SLCO1A2: variants seen among roughly 807,000 people sequenced by gnomAD.
SLCO1A2 encodes the protein OATP-1.
A neutral mutation model predicts 69.0 loss-of-function variants in SLCO1A2; 67 were observed. The ratio of observed to expected loss-of-function variants is 0.97; its 90% CI spans 0.80 to 1.19. The LOEUF is 1.19. Among genes scored for constraint, SLCO1A2 ranks in the 50% most tolerant of loss-of-function variants. The pLI is 0.00. For synonymous variants in SLCO1A2, 260 were observed against 265.9 expected, an observed-to-expected ratio of 0.98 and a Z score of 0.22; for missense variants, 787 against 793.7, an observed-to-expected ratio of 0.99 and a Z score of 0.10.
intron 1 of SLCO1A2, among the ~76,000 whole-genome samples, chr12:21,388,864 C>G (rs1941017635): frequency 6.6e-6 from 1 of 152,132 alleles, no homozygotes; most frequent in African/African-American, 2.4e-5. Flanking sequence ...ATAGCTGCAA[C>G]TGGTAAAATG....
chr12:21,393,684 A>C (rs1047924927), intron 1 of SLCO1A2, among the ~76,000 whole-genome samples: 15 of 152,218 alleles, frequency 9.9e-5, no homozygotes, highest in African/African-American at 3.6e-4. Context: ...AGATAAACAG[A>C]TACGGTTACT....
At chr12:21,295,098 T>A (rs1389682738) in intron 10 of SLCO1A2, 1 of 152,216 alleles carries the variant, frequency 6.6e-6, no homozygotes, top group Admixed American at 6.6e-5. Flanking sequence ...ATTCAATATT[T>A]TAGACATAGC....
chr12:21,283,342 G>T (rs376249070), intron 12 of SLCO1A2, among the ~76,000 whole-genome samples: 44 of 152,194 alleles, frequency 2.9e-4, no homozygotes, highest in East Asian at 1.9e-3. Flanking sequence ...TTCAATAAAT[G>T]GTGCAGGGAA....
intron 2 of SLCO1A2, among the ~76,000 whole-genome samples, chr12:21,323,069 T>A (rs1257561104): frequency 6.6e-6 from 1 of 152,174 alleles, no homozygotes; most frequent in East Asian, 1.9e-4. Context: ...CAGATAGGAA[T>A]GGACATGGAC....
Position 21,297,399 on chromosome 12 carries a change from C to T in SLCO1A2, c.1075+5G>A. 1 of 1,607,162 alleles carries T rather than the reference C, an allele frequency of 6.2e-7. No individual in the cohort carries two copies. On this transcript the variant is annotated splice_donor_5th_base_variant and intron_variant, in intron 9 of 14. Transcript: ENST00000683939. ...TGCTAGTAAGGCAGAGAAAAACAAA[C>T]ATACCCATTAGAAAGATTGCATCTG...
chr12:21,340,857 A>C (rs1953046517), intron 2 of SLCO1A2, among the ~76,000 whole-genome samples: 1 of 152,006 alleles, frequency 6.6e-6, no homozygotes, highest in Non-Finnish European at 1.5e-5. Context: ...AGGCAGCTAA[A>C]GGGCTAGCAC....
rs1942300173 is a variant in SLCO1A2 at position 21,268,493 on chromosome 12, A to G, written c.*1055T>C. On this transcript the variant is annotated 3_prime_UTR_variant, in exon 15 of 15. Coordinates refer to ENST00000683939, the MANE Select transcript of SLCO1A2 (RefSeq NM_001386879.1). Reference sequence around the variant, plus strand: ...TGTTCATTCTATTCTCTTTTACCAGAAGCCCTATATTAATCAATAAGTCCT... The same window carrying G: ...TGTTCATTCTATTCTCTTTTACCAGGAGCCCTATATTAATCAATAAGTCCT... 1 of 152,088 alleles carries G rather than the reference A, an allele frequency of 6.6e-6. No individual in the cohort carries two copies. The highest frequency in any genetic ancestry group is 2.1e-4 in the South Asian group (1 of 4,828). 9.4% of individuals were successfully genotyped at this position (152,088 alleles called of 1,614,324 possible).
chr12:21,298,097 T>G (rs553028717), intron 8 of SLCO1A2, among the ~76,000 whole-genome samples: 1 of 152,278 alleles, frequency 6.6e-6, no homozygotes, highest in East Asian at 1.9e-4. Flanking sequence ...CGGAATTTTT[T>G]TTTGCTTCTT....
chr12:21,338,675 G>A (rs561447223), upstream of SLCO1A2, among the ~76,000 whole-genome samples: 17 of 152,008 alleles, frequency 1.1e-4, no homozygotes, highest in African/African-American at 3.4e-4. Context: ...CATTTCTTCA[G>A]ATTATTATCC....
chr12:21,415,083 C>A (rs906127182), intron 1 of SLCO1A2, among the ~76,000 whole-genome samples: 1 of 151,972 alleles, frequency 6.6e-6, no homozygotes, highest in Non-Finnish European at 1.5e-5. Flanking sequence ...CAAACCGTAT[C>A]TTTTAACTGG....
intron 4 of SLCO1A2, among the ~76,000 whole-genome samples, chr12:21,314,032 AAG>A (rs1441734934): frequency 6.6e-6 from 1 of 151,912 alleles, no homozygotes; most frequent in Non-Finnish European, 1.5e-5. Context: ...AAATACAAGA[AAG>A]AGCTAAAAGT....
chr12:21,276,393 C>A (rs1405834392), intron 12 of SLCO1A2, among the ~76,000 whole-genome samples: 2 of 126,072 alleles, frequency 1.6e-5, no homozygotes, highest in Admixed American at 1.4e-4. Flanking sequence ...TATGGACACA[C>A]ACACACACAC....
chr12:21,347,435 C>A (rs1953290143), intron 2 of SLCO1A2, among the ~76,000 whole-genome samples: 1 of 152,220 alleles, frequency 6.6e-6, no homozygotes, highest in African/African-American at 2.4e-5. Context: ...CACCTGAGGT[C>A]AGGAGTTCAA....
At chr12:21,292,046 A>G in intron 12 of SLCO1A2, 118 bp downstream of exon 12, 1 of 623,450 alleles carries the variant, frequency 1.6e-6, no homozygotes. Context: ...AAAACCCTTA[A>G]TAAATGGTAC....
chr12:21,387,278 G>A (rs1396507923), intron 1 of SLCO1A2, among the ~76,000 whole-genome samples: 1 of 152,190 alleles, frequency 6.6e-6, no homozygotes, highest in Non-Finnish European at 1.5e-5. Context: ...GTAACAAGAA[G>A]CCAAATGCTA....
At position 21,340,265 on chromosome 12, in the gene SLCO1A2, T is replaced by A. The variant is rs148914472; in HGVS notation, c.-62-5556A>T. Among the ~76,000 whole-genome samples the A allele has an allele frequency of 1.1e-3, 172 of 152,092 alleles. 2 individuals carry two copies. The highest frequency in any genetic ancestry group is 6.6e-4 in the Admixed American group (10 of 15,246). ...TGTAAACACAGTCATAGTCACCAAG[T>A]CTTCACATAGCAAAATATATACAGT... is the stretch of plus-strand genomic sequence containing the variant. On this transcript the variant is annotated intron_variant, in intron 2 of 15. Transcript: ENST00000307378.
At chr12:21,407,558 T>G (rs1297640742) in intron 1 of SLCO1A2, among the ~76,000 whole-genome samples, 1 of 152,188 alleles carries the variant, frequency 6.6e-6, no homozygotes, top group Non-Finnish European at 1.5e-5. Context: ...CCAAGCACTT[T>G]GGGAGGCCAA....
At chr12:21,287,930 G>C (rs533923910) in intron 12 of SLCO1A2, among the ~76,000 whole-genome samples, 1 of 130,898 alleles carries the variant, frequency 7.6e-6, no homozygotes, top group African/African-American at 3.1e-5. Context: ...GTTAGTGGGT[G>C]CAGCGCACCA....
intron 1 of SLCO1A2, among the ~76,000 whole-genome samples, chr12:21,409,321 A>G (rs943043843): frequency 4.6e-5 from 7 of 152,150 alleles, no homozygotes; most frequent in Non-Finnish European, 8.8e-5. Context: ...AAGACCAACT[A>G]TTGGATAGAT....
Sources: allele counts gnomAD v4.1 joint callset (sites outside exome capture counted in the v4.1 genomes callset), GRCh38; gene constraint gnomAD v4.1.1; transcripts MANE v1.5; gene names NCBI Gene and HGNC (gene_info 2026-07-23, HGNC 2026-07-21).